LY75: variants seen among roughly 807,000 people sequenced by gnomAD.
The protein encoded by LY75 is C-type lectin domain family 13 member B.
A neutral mutation model predicts 231.7 loss-of-function variants in LY75; 185 were observed. The ratio of observed to expected loss-of-function variants is 0.80; its 90% CI spans 0.71 to 0.90. The LOEUF is 0.90. Among genes scored for constraint, LY75 ranks in the 40% least tolerant of loss-of-function variants. The probability of loss-of-function intolerance (pLI) is 0.00; values close to 1 mark genes in which losing one functional copy is unlikely to be tolerated. For synonymous variants in LY75, 668 were observed against 689.0 expected (o/e 0.97, Z 0.48); for missense variants, 1,947 against 2,050.2 (o/e 0.95, Z 0.97).
Position 159,890,213 on chromosome 2 carries a change from C to A in LY75, c.802G>T (p.Glu268Ter). The A allele has an allele frequency of 2.5e-6, 4 of 1,609,432 alleles. No individual in the cohort carries two copies. Among genetic ancestry groups the A allele is most frequent in the Non-Finnish European group, 3.4e-6 (4 of 1,178,142 alleles). Residue 268 changes from glutamate (E) to a stop codon, truncating the protein, a stop_gained and splice_region_variant, in exon 4 of 35, where the codon GAA becomes TAA. Transcript: ENST00000263636. LOFTEE classifies it high-confidence loss of function. ...TCTATCACATGCAAATAAAATCTACCTTTAAGGTAAGTTAATTCAGCAGCA... is the reference window on the plus strand; with the variant it reads ...TCTATCACATGCAAATAAAATCTACATTTAAGGTAAGTTAATTCAGCAGCA... ...NSAAELTYLK[E>*]KEGIAKIFWI...
At chr2:159,884,244 T>G (rs912686357) in intron 6 of LY75, among the ~76,000 whole-genome samples, 1 of 152,188 alleles carries the variant, frequency 6.6e-6, no homozygotes, top group South Asian at 2.1e-4. Context: ...AACCTCTTTT[T>G]CTTCCCAGTC....
intron 4 of LY75, among the ~76,000 whole-genome samples, chr2:159,887,766 C>T (rs1417325146): frequency 2.0e-5 from 3 of 151,918 alleles, no homozygotes; most frequent in Non-Finnish European, 4.4e-5. Flanking sequence ...GTATTAAATA[C>T]GGGGCATGTC....
intron 31 of LY75, among the ~76,000 whole-genome samples, chr2:159,812,053 C>T (rs1682976108): frequency 6.6e-6 from 1 of 152,020 alleles, no homozygotes; most frequent in African/African-American, 2.4e-5. Flanking sequence ...TTGCACTGGG[C>T]TCAATTGTTA....
At chr2:159,895,917 G>C (rs1167922057) in intron 2 of LY75, among the ~76,000 whole-genome samples, 1 of 152,126 alleles carries the variant, frequency 6.6e-6, no homozygotes, top group African/African-American at 2.4e-5. Context: ...CACACCATGG[G>C]CTTCCTTAGC....
At chr2:159,827,926 G>T (rs1298677440) in intron 28 of LY75, among the ~76,000 whole-genome samples, 1 of 152,074 alleles carries the variant, frequency 6.6e-6, no homozygotes, top group Non-Finnish European at 1.5e-5. Context: ...ATGGACACAG[G>T]GAGTGGAACA....
intron 28 of LY75, among the ~76,000 whole-genome samples, chr2:159,823,237 T>C (rs1024089797): frequency 2.6e-5 from 4 of 151,912 alleles, no homozygotes; most frequent in Non-Finnish European, 5.9e-5. Context: ...GAATACCCAG[T>C]GTAGAGAAGA....
Position 159,898,763 on chromosome 2 carries a change from T to A in LY75, c.391A>T (p.Thr131Ser), listed in dbSNP as rs756337626. 1 of 1,614,238 alleles carries A rather than the reference T, an allele frequency of 6.2e-7. No homozygotes were observed. The highest frequency in any genetic ancestry group is 8.5e-7 in the Non-Finnish European group (1 of 1,180,038). The change falls in exon 2 of 35, where the codon ACA becomes TCA. Residue 131 changes from threonine (T) to serine (S), a missense_variant. Transcript: ENST00000263636. The stretch of plus-strand genomic sequence containing the variant: ...ACATCAGATGCATTTGAGATTGCTG[T>A]GCCATGTCCATCCTTCAGAGCCAGC... ...YRLALKDGHG[T>S]AISNASDVWK...
chr2:159,825,660 G>T (rs1683439726), intron 28 of LY75, among the ~76,000 whole-genome samples: 1 of 152,226 alleles, frequency 6.6e-6, no homozygotes, highest in East Asian at 1.9e-4. Context: ...AACAAAAAAA[G>T]AAAATTTCAG....
At chr2:159,882,015 C>G in intron 7 of LY75, 109 bp downstream of exon 7, 1 of 1,315,294 alleles carries the variant, frequency 7.6e-7, no homozygotes, top group Non-Finnish European at 1.0e-6. Flanking sequence ...TCTGACAGGG[C>G]TGATCTGTGG....
At chr2:159,867,283 G>A (rs1004195139) in intron 13 of LY75, among the ~76,000 whole-genome samples, 2 of 151,756 alleles carry the variant, frequency 1.3e-5, no homozygotes, top group African/African-American at 2.4e-5. Context: ...TTTTTTGTGC[G>A]GGATCAGAAG....
At chr2:159,811,654 T>C (rs1035923431) in intron 31 of LY75, among the ~76,000 whole-genome samples, 1 of 152,232 alleles carries the variant, frequency 6.6e-6, no homozygotes, top group African/African-American at 2.4e-5. Context: ...AGAGTCCTTA[T>C]TTGTGGTCTC....
chr2:159,873,893 T>C (rs1249137633), intron 12 of LY75, among the ~76,000 whole-genome samples: 5 of 89,630 alleles, frequency 5.6e-5, no homozygotes, highest in Non-Finnish European at 9.2e-5. Context: ...GTATATATTT[T>C]GTAAAAATAC....
rs374422567 is a variant in LY75, at chr2:159,893,911, T to C, written c.637+3A>G. On this transcript the variant is annotated splice_donor_region_variant and intron_variant, in intron 3 of 34. Transcript: ENST00000263636. ...CACATAAAATTTACCAGCCCATACA[T>C]ACCAGGCTTTAAGCAGATGCCCCAC... 3.9e-5 allele frequency: 62 copies of C among 1,607,170 alleles called. No homozygotes were observed. The African/African-American group carries it at 6.4e-4, about 17-fold the overall frequency.
At chr2:159,838,042 C>A (rs1275310488) in intron 25 of LY75, among the ~76,000 whole-genome samples, 1 of 152,174 alleles carries the variant, frequency 6.6e-6, no homozygotes, top group African/African-American at 2.4e-5. Flanking sequence ...CCCAGAGCTG[C>A]CTCTCCTCAG....
At position 159,866,122 on chromosome 2, in the gene LY75, T is replaced by C. The variant is rs1574570895; in HGVS notation, c.2118-1202A>G. On this transcript the variant is annotated intron_variant, in intron 13 of 34. Coordinates refer to ENST00000263636, the MANE Select transcript of LY75 (RefSeq NM_002349.4). Reference sequence around the variant, plus strand: ...TGCCTGTAAGTGTAATACAGATACATTTTAGAGAAGGGGTAGATTCCAAAT... The same window carrying C: ...TGCCTGTAAGTGTAATACAGATACACTTTAGAGAAGGGGTAGATTCCAAAT... Among the ~76,000 whole-genome samples the C allele has an allele frequency of 3.3e-5, 5 of 152,214 alleles. No homozygotes were observed. The South Asian group carries it at 1.0e-3, about 32-fold the overall frequency.
intron 5 of LY75, among the ~76,000 whole-genome samples, chr2:159,885,596 C>T (rs1241370780): frequency 1.3e-5 from 2 of 152,102 alleles, no homozygotes; most frequent in Non-Finnish European, 2.9e-5. Context: ...AGCTCTTAAT[C>T]TGCTACTCCA....
chr2:159,888,552 G>A (rs1325188637), intron 4 of LY75, among the ~76,000 whole-genome samples: 1 of 152,116 alleles, frequency 6.6e-6, no homozygotes, highest in Non-Finnish European at 1.5e-5. Context: ...GATTTATCTG[G>A]AGAAAGTAGG....
Position 159,823,830 on chromosome 2 carries a change from T to G in LY75, c.3959-3910A>C, listed in dbSNP as rs557557250. Among the ~76,000 whole-genome samples the G allele has an allele frequency of 1.1e-4, 16 of 152,262 alleles. 1 individual carries two copies. The East Asian group carries it at 2.1e-3, about 20-fold the overall frequency. On this transcript the variant is annotated intron_variant, in intron 28 of 34. Coordinates refer to ENST00000263636, the MANE Select transcript of LY75 (RefSeq NM_002349.4). ...AAAGAAAAGAATTTTCAACCCAGAA[T>G]TTCATATCCAGCCAAACTAAGCTTC...
intron 11 of LY75, among the ~76,000 whole-genome samples, chr2:159,876,811 G>GC (rs1184536551): frequency 6.6e-6 from 1 of 151,830 alleles, no homozygotes; most frequent in Non-Finnish European, 1.5e-5. Flanking sequence ...TTCGAGACCA[G>GC]CCTGGCCAAA....
Sources: allele counts gnomAD v4.1 joint callset (sites outside exome capture counted in the v4.1 genomes callset), GRCh38; gene constraint gnomAD v4.1.1; transcripts MANE v1.5; gene names NCBI Gene and HGNC (gene_info 2026-07-23, HGNC 2026-07-21).